NCOR1: variants seen among roughly 807,000 people sequenced by gnomAD.
The protein encoded by NCOR1 is nuclear receptor corepressor 1.
In NCOR1, 63 loss-of-function variants were observed where a neutral mutation model predicts 288.1. The observed-to-expected ratio is 0.22, with a 90% CI of 0.18 to 0.27. The LOEUF (loss-of-function observed/expected upper bound fraction) is 0.27. Ranked by LOEUF, NCOR1 falls within the 10% of genes least tolerant of loss-of-function variation. The pLI, the probability that NCOR1 is intolerant of heterozygous loss-of-function variation, is 1.00. For missense variants in NCOR1, 2,397 were observed against 3,019.2 expected, an observed-to-expected ratio of 0.79 and a Z score of 4.83; for synonymous variants, 1,007 against 1,065.9, an observed-to-expected ratio of 0.94 and a Z score of 1.08.
At chr17:16,107,352 T>C (rs756487321) in intron 19 of NCOR1, among the ~76,000 whole-genome samples, 1 of 152,070 alleles carries the variant, frequency 6.6e-6, no homozygotes, top group Non-Finnish European at 1.5e-5. Flanking sequence ...ATTATAACAG[T>C]GGGCTCTAAT....
intron 28 of NCOR1, among the ~76,000 whole-genome samples, chr17:16,073,092 A>G (rs1489636051): frequency 6.6e-6 from 1 of 152,258 alleles, no homozygotes; most frequent in Admixed American, 6.5e-5. Context: ...AGAAGTTCTC[A>G]TAATAAACTT....
chr17:16,043,242 C>T (rs1412532986), intron 42 of NCOR1, among the ~76,000 whole-genome samples: 2 of 152,222 alleles, frequency 1.3e-5, no homozygotes, highest in African/African-American at 4.8e-5. Flanking sequence ...CTTGGGAACA[C>T]TGGATTCAGA....
At chr17:16,072,363 A>G in intron 28 of NCOR1, 135 bp from the exon 29 acceptor site, 7 of 597,430 alleles carry the variant, frequency 1.2e-5, no homozygotes, top group South Asian at 3.4e-5. Flanking sequence ...AAGTTTGTGA[A>G]CTATCCAGAA....
Position 16,080,677 on chromosome 17 carries a change from T to C in NCOR1, c.3228A>G (p.Gln1076=). ...LTSHNQASYT[Q]ETPKPSVGSI... is the part of the protein sequence containing the mutation. ...ATCCCACTGACGGCTTGGGTGTTTC[T>C]TGAGTGTAGGAAGCCTGATTATGAG... is the stretch of plus-strand genomic sequence containing the variant. The change falls in exon 24 of 46, where the codon CAA becomes CAG. Residue 1076 remains glutamine, a synonymous_variant. Transcript: ENST00000268712. The C allele has an allele frequency of 6.2e-7, 1 of 1,614,116 alleles. No individual in the cohort carries two copies. Among genetic ancestry groups the C allele is most frequent in the Non-Finnish European group, 8.5e-7 (1 of 1,179,990 alleles).
intron 8 of NCOR1, 30 bp from the exon 9 acceptor site, chr17:16,149,547 T>C (rs748575443): frequency 8.3e-7 from 1 of 1,202,906 alleles, no homozygotes; most frequent in Admixed American, 2.4e-5. Context: ...TTGCATGACA[T>C]TAAGAAAAAG....
chr17:16,138,298 G>T, intron 12 of NCOR1, 86 bp from the exon 13 acceptor site: 1 of 1,206,238 alleles, frequency 8.3e-7, no homozygotes, highest in Non-Finnish European at 1.2e-6. Flanking sequence ...GAAAGACTAT[G>T]TATAGGCTGG....
At chr17:16,103,904 G>C (rs2068087750) in intron 19 of NCOR1, among the ~76,000 whole-genome samples, 1 of 152,226 alleles carries the variant, frequency 6.6e-6, no homozygotes, top group South Asian at 2.1e-4. Context: ...CAGCTACTTG[G>C]GAGGCTGAAG....
intron 32 of NCOR1, chr17:16,065,981 C>A (rs2061071798): frequency 2.4e-6 from 1 of 414,692 alleles, no homozygotes; most frequent in African/African-American, 2.0e-5. Flanking sequence ...ATATTTTTAC[C>A]TGGCATCTGC....
chr17:16,067,768 A>G, intron 32 of NCOR1, 126 bp downstream of exon 32: 1 of 956,214 alleles, frequency 1.0e-6, no homozygotes, highest in Non-Finnish European at 1.5e-6. Context: ...TTAGTTTGTG[A>G]AAATTCACTG....
chr17:16,181,213 G>GTGTA (rs2085387892), intron 3 of NCOR1, among the ~76,000 whole-genome samples: 1 of 121,978 alleles, frequency 8.2e-6, no homozygotes, highest in South Asian at 2.8e-4. Context: ...ATATATGTAT[G>GTGTA]TGTGTGTGTG....
intron 3 of NCOR1, among the ~76,000 whole-genome samples, chr17:16,181,866 G>T (rs2153507597): frequency 6.6e-6 from 1 of 152,078 alleles, no homozygotes; most frequent in Non-Finnish European, 1.5e-5. Flanking sequence ...TAAACCTCTA[G>T]TGCTACAAAA....
chr17:16,092,647 TTATATATATATATATATATATATA>T (rs10592611), intron 21 of NCOR1, among the ~76,000 whole-genome samples: 2 of 32,134 alleles, frequency 6.2e-5, no homozygotes, highest in Non-Finnish European at 1.1e-4. Context: ...TCAGATCCAT[TTATATATATATATATATATATATA>T]TATATATATA....
chr17:16,102,173 C>T (rs554294046), intron 19 of NCOR1, among the ~76,000 whole-genome samples: 1 of 152,270 alleles, frequency 6.6e-6, no homozygotes, highest in South Asian at 2.1e-4. Flanking sequence ...CACTCTAGAA[C>T]GGCTCCATCC....
At chr17:16,201,710 A>G (rs959414777) in intron 1 of NCOR1, among the ~76,000 whole-genome samples, 1 of 152,218 alleles carries the variant, frequency 6.6e-6, no homozygotes, top group African/African-American at 2.4e-5. Flanking sequence ...TCCAACTGAA[A>G]ACTCTGTGGT....
intron 20 of NCOR1, 105 bp from the exon 21 acceptor site, chr17:16,098,601 A>G: frequency 1.2e-6 from 1 of 846,394 alleles, no homozygotes; most frequent in Non-Finnish European, 1.8e-6. Context: ...ACATGCACAC[A>G]TGGACACATG....
At position 16,040,506 on chromosome 17, in the gene NCOR1, C is replaced by A. The variant is rs777260110; in HGVS notation, c.6680-12G>T. ...TGGCTGAGCAGCTGCTATATTTAAG[C>A]AAACATTCAAGTTAATTAAGATGTG... On this transcript the variant is annotated splice_polypyrimidine_tract_variant and intron_variant, in intron 42 of 45. Coordinates refer to ENST00000268712, the MANE Select transcript of NCOR1 (RefSeq NM_006311.4). 5 of 1,611,568 alleles carry A rather than the reference C, an allele frequency of 3.1e-6. No homozygotes were observed. In the African/African-American group the frequency reaches 6.7e-5, roughly 22 times the overall value.
At chr17:16,155,969 C>A (rs899224798) in intron 6 of NCOR1, among the ~76,000 whole-genome samples, 2 of 152,046 alleles carry the variant, frequency 1.3e-5, no homozygotes, top group Non-Finnish European at 2.9e-5. Flanking sequence ...TCTGAAACTG[C>A]ACAGGTACAT....
chr17:16,055,025 C>T (rs1286220144), intron 40 of NCOR1, among the ~76,000 whole-genome samples: 1 of 152,162 alleles, frequency 6.6e-6, no homozygotes, highest in Non-Finnish European at 1.5e-5. Context: ...GAAAAAATAA[C>T]AGATCCTGGC....
chr17:16,098,143 A>G (rs1024313013), intron 21 of NCOR1, among the ~76,000 whole-genome samples: 1 of 152,232 alleles, frequency 6.6e-6, no homozygotes, highest in African/African-American at 2.4e-5. Context: ...TTCGCATTCG[A>G]AAGATGAAAA....
Sources: allele counts gnomAD v4.1 joint callset (sites outside exome capture counted in the v4.1 genomes callset), GRCh38; gene constraint gnomAD v4.1.1; transcripts MANE v1.5; gene names NCBI Gene and HGNC (gene_info 2026-07-23, HGNC 2026-07-21).